TACC1: variants seen among roughly 807,000 people sequenced by gnomAD.
TACC1 encodes transforming acidic coiled-coil containing protein 1, also known as transforming acidic coiled-coil-containing protein 1.
TACC1 carries 48 observed loss-of-function variants against 84.4 expected under a neutral mutation model. That is an observed-to-expected ratio of 0.57 (90% CI 0.45 to 0.72). The LOEUF is 0.72. Ranked by LOEUF, TACC1 falls within the 30% of genes least tolerant of loss-of-function variation. The pLI is 0.00. For synonymous variants in TACC1, 372 were observed against 376.3 expected (o/e 0.99, Z 0.13); for missense variants, 920 against 973.0 (o/e 0.95, Z 0.72).
intron 3 of TACC1, among the ~76,000 whole-genome samples, chr8:38,746,656 G>A (rs35408109): frequency 0.052 from 7,958 of 151,978 alleles, 289 homozygotes; most frequent in Non-Finnish European, 0.074. Flanking sequence ...ATGTCCACTT[G>A]GCTGTTAACT....
At chr8:38,780,221 T>A (rs11988551) in intron 3 of TACC1, among the ~76,000 whole-genome samples, 1,705 of 152,344 alleles carry the variant, frequency 0.011, 34 homozygotes, top group African/African-American at 0.039. Flanking sequence ...TATTTAGTCA[T>A]CTAATCCATC....
At chr8:38,835,030 G>T (rs957176715) in intron 6 of TACC1, among the ~76,000 whole-genome samples, 1 of 152,198 alleles carries the variant, frequency 6.6e-6, no homozygotes, top group Admixed American at 6.5e-5. Flanking sequence ...GAGGCAGGCA[G>T]ATTGCAAGGT....
intron 2 of TACC1, among the ~76,000 whole-genome samples, chr8:38,814,063 T>G (rs1260803522): frequency 6.6e-6 from 1 of 152,224 alleles, no homozygotes; most frequent in Non-Finnish European, 1.5e-5. Context: ...CTTACTGTCT[T>G]AATTCAGATT....
In TACC1 at chr8:38,749,816, G is replaced by T. The variant is rs555805395; in HGVS notation, c.26+4323G>T. Among the ~76,000 whole-genome samples, 4 of 151,978 alleles carry T rather than the reference G, an allele frequency of 2.6e-5. No homozygotes were observed. The East Asian group carries it at 7.7e-4, about 29-fold the overall frequency. On this transcript the variant is annotated intron_variant, in intron 3 of 14. Coordinates refer to the TACC1 transcript ENST00000518415. Reference sequence around the variant, plus strand: ...CATGTTGGTCAAGCTGGTCTCGAACGCCTGACCTCATGATCCACCCACCTC... The same window carrying T: ...CATGTTGGTCAAGCTGGTCTCGAACTCCTGACCTCATGATCCACCCACCTC...
chr8:38,809,034 A>G (rs2152116064), intron 2 of TACC1, among the ~76,000 whole-genome samples: 1 of 152,112 alleles, frequency 6.6e-6, no homozygotes, highest in South Asian at 2.1e-4. Context: ...TGGCCAAGAA[A>G]TGACTGGGCC....
chr8:38,832,982 T>C (rs913282505), intron 6 of TACC1, among the ~76,000 whole-genome samples: 1 of 152,208 alleles, frequency 6.6e-6, no homozygotes, highest in Non-Finnish European at 1.5e-5. Context: ...TTGTGAATGT[T>C]TTGAGGGACT....
chr8:38,775,302 T>G (rs182613137), intron 3 of TACC1, among the ~76,000 whole-genome samples: 6 of 152,294 alleles, frequency 3.9e-5, no homozygotes, highest in Admixed American at 3.9e-4. Flanking sequence ...CCAGTGATCT[T>G]TGGCAAAGGT....
intron 7 of TACC1, among the ~76,000 whole-genome samples, chr8:38,838,025 T>C (rs1431778233): frequency 6.6e-6 from 1 of 152,268 alleles, no homozygotes; most frequent in Admixed American, 6.5e-5. Context: ...AAAGAGAATG[T>C]GTTGCTCATG....
intron 9 of TACC1, among the ~76,000 whole-genome samples, chr8:38,841,303 G>A (rs1385406595): frequency 1.3e-5 from 2 of 152,116 alleles, no homozygotes; most frequent in Non-Finnish European, 2.9e-5. Context: ...TCTTGTGCTT[G>A]GTATCACTAG....
At chr8:38,768,152 G>A (rs1163944398) in intron 3 of TACC1, among the ~76,000 whole-genome samples, 1 of 151,864 alleles carries the variant, frequency 6.6e-6, no homozygotes. Flanking sequence ...GGAAGGGAAA[G>A]AAAATAAAGG....
chr8:38,788,110 G>C (rs1049196905), intron 1 of TACC1: 2 of 225,442 alleles, frequency 8.9e-6, no homozygotes, highest in South Asian at 1.0e-4. Context: ...GGAAGAAGTC[G>C]CTCCCCGGCC....
chr8:38,737,992 G>T (rs1325547073), intron 1 of TACC1, among the ~76,000 whole-genome samples: 2 of 152,090 alleles, frequency 1.3e-5, no homozygotes, highest in Non-Finnish European at 2.9e-5. Flanking sequence ...CTCCCAAAGT[G>T]CTGGGATTAT....
At chr8:38,731,389 AAGGATGATAATAACAG>A (rs1297223453) in intron 1 of TACC1, among the ~76,000 whole-genome samples, 1 of 152,222 alleles carries the variant, frequency 6.6e-6, no homozygotes, top group African/African-American at 2.4e-5. Flanking sequence ...TCCTCTGGAG[AAGGATGATAATAACAG>A]TACCTATTTC....
At chr8:38,782,455 A>G (rs547180316), upstream of TACC1, among the ~76,000 whole-genome samples, 1,675 of 152,196 alleles carry the variant, frequency 0.011, 14 homozygotes, top group Middle Eastern at 0.027. Flanking sequence ...AGTCTTTGCT[A>G]TTGTGAATAG....
At chr8:38,836,621 C>CT (rs1224990785) in intron 7 of TACC1, among the ~76,000 whole-genome samples, 1 of 152,198 alleles carries the variant, frequency 6.6e-6, no homozygotes, top group Non-Finnish European at 1.5e-5. Flanking sequence ...AGGATATATG[C>CT]TAATGCCTAA....
intron 1 of TACC1, among the ~76,000 whole-genome samples, chr8:38,738,602 T>C (rs1445899121): frequency 6.6e-6 from 1 of 152,160 alleles, no homozygotes; most frequent in Non-Finnish European, 1.5e-5. Context: ...CTCATTTGGC[T>C]TCTGTGTCCC....
intron 3 of TACC1, among the ~76,000 whole-genome samples, chr8:38,750,965 C>T (rs1016272924): frequency 6.6e-6 from 1 of 151,864 alleles, no homozygotes; most frequent in African/African-American, 2.4e-5. Context: ...AGTCAAAGGA[C>T]CTAGTATAGC....
At chr8:38,780,618 GTTGTTTTTTT>G (rs1219312413) in intron 3 of TACC1, among the ~76,000 whole-genome samples, 2 of 145,492 alleles carry the variant, frequency 1.4e-5, no homozygotes, top group Non-Finnish European at 3.1e-5. Flanking sequence ...TCTTGTTGGT[GTTGTTTTTTT>G]TTGTTTTTTT....
At chr8:38,738,576 G>A (rs1208734667) in intron 1 of TACC1, among the ~76,000 whole-genome samples, 1 of 151,606 alleles carries the variant, frequency 6.6e-6, no homozygotes, top group African/African-American at 2.4e-5. Flanking sequence ...TTCCAGCTTC[G>A]CCCATTGAGC....
Sources: allele counts gnomAD v4.1 joint callset (sites outside exome capture counted in the v4.1 genomes callset), GRCh38; gene constraint gnomAD v4.1.1; transcripts MANE v1.5; gene names NCBI Gene and HGNC (gene_info 2026-07-23, HGNC 2026-07-21).